The following CNBD1 variants were observed in gnomAD, a reference collection of about 807,000 sequenced individuals.
CNBD1 encodes cyclic nucleotide-binding domain-containing protein 1.
In CNBD1, 71 loss-of-function variants were observed where a neutral mutation model predicts 54.4. The observed-to-expected ratio is 1.30, with a 90% CI of 1.08 to 1.59. CNBD1 has a LOEUF of 1.59. Ranked by LOEUF, CNBD1 falls within the 40% of genes most tolerant of loss-of-function variation. The pLI is 0.00. For missense variants in CNBD1, 659 were observed against 518.0 expected, an observed-to-expected ratio of 1.27 and a Z score of -2.64; for synonymous variants, 182 against 170.7, an observed-to-expected ratio of 1.07 and a Z score of -0.51.
intron 1 of CNBD1, among the ~76,000 whole-genome samples, chr8:86,881,239 C>A (rs1385538012): frequency 6.6e-6 from 1 of 152,136 alleles, no homozygotes; most frequent in East Asian, 1.9e-4. Flanking sequence ...GTAAAACTAT[C>A]CCTGTTTGCA....
intron 5 of CNBD1, among the ~76,000 whole-genome samples, chr8:87,211,179 G>T (rs1273648210): frequency 6.6e-6 from 1 of 152,026 alleles, no homozygotes; most frequent in Non-Finnish European, 1.5e-5. Context: ...TCTTTCTTTT[G>T]GTCAATTTAT....
chr8:87,323,320 A>C (rs1214105942), intron 8 of CNBD1, among the ~76,000 whole-genome samples: 7 of 127,460 alleles, frequency 5.5e-5, no homozygotes, highest in African/African-American at 9.0e-5. Context: ...ACTTTAAAGT[A>C]GTTTTTTCCA....
intron 10 of CNBD1, among the ~76,000 whole-genome samples, chr8:87,354,997 T>C (rs549086851): frequency 2.0e-5 from 3 of 152,266 alleles, no homozygotes; most frequent in East Asian, 3.9e-4. Flanking sequence ...CCAGTTAAAA[T>C]GGCGATCATT....
At chr8:87,279,444 A>G (rs757974500) in intron 6 of CNBD1, among the ~76,000 whole-genome samples, 18 of 151,396 alleles carry the variant, frequency 1.2e-4, no homozygotes, top group Non-Finnish European at 2.4e-4. Context: ...ACTTTCATTA[A>G]AAAAGATTGT....
At chr8:87,413,744 T>A (rs1807789210) in intron 2 of CNBD1, among the ~76,000 whole-genome samples, 1 of 109,824 alleles carries the variant, frequency 9.1e-6, no homozygotes, top group Non-Finnish European at 1.9e-5. Flanking sequence ...AAGAAGACAT[T>A]TATGCAGCCA....
chr8:86,948,280 A>G (rs1807517981), intron 4 of CNBD1, among the ~76,000 whole-genome samples: 1 of 152,140 alleles, frequency 6.6e-6, no homozygotes, highest in African/African-American at 2.4e-5. Context: ...TATACACAGC[A>G]GTGGGATTGC....
intron 4 of CNBD1, among the ~76,000 whole-genome samples, chr8:87,168,790 C>T (rs899438271): frequency 6.6e-6 from 1 of 152,014 alleles, no homozygotes; most frequent in African/African-American, 2.4e-5. Context: ...ATGAACAGTA[C>T]TCCACTGTGT....
rs192473319 is a variant in CNBD1, at chr8:87,354,352, G to C, written c.1303+566G>C. ...TTCAGGGGTACTTGGTGGATCCCAG[G>C]CAGGGACCTGGGCCTCATGAGGGTA... On this transcript the variant is annotated intron_variant, in intron 10 of 10. Transcript: ENST00000518476. Among the ~76,000 whole-genome samples, 512 of 152,092 alleles carry C rather than the reference G, an allele frequency of 3.4e-3. 2 individuals are homozygous for C. The highest frequency in any genetic ancestry group is 0.011 in the African/African-American group (438 of 41,502).
intron 4 of CNBD1, among the ~76,000 whole-genome samples, chr8:87,197,126 A>G (rs1347519002): frequency 6.6e-6 from 1 of 152,236 alleles, no homozygotes. Flanking sequence ...AGAAAGAGCT[A>G]CTGTTAGTAA....
At chr8:87,356,145 A>T (rs1810415854) in intron 10 of CNBD1, among the ~76,000 whole-genome samples, 1 of 152,172 alleles carries the variant, frequency 6.6e-6, no homozygotes, top group Admixed American at 6.6e-5. Flanking sequence ...TCTTTTCTTT[A>T]TAAATTACCC....
chr8:87,386,076 C>T (rs1052386614), downstream of CNBD1, among the ~76,000 whole-genome samples: 6 of 152,074 alleles, frequency 3.9e-5, no homozygotes, highest in African/African-American at 1.4e-4. Flanking sequence ...AGAAGGAAAA[C>T]TAACAGAAAG....
chr8:87,195,135 A>G (rs573900067), intron 4 of CNBD1, among the ~76,000 whole-genome samples: 2 of 151,078 alleles, frequency 1.3e-5, no homozygotes, highest in African/African-American at 4.9e-5. Flanking sequence ...CACCCACCTC[A>G]GCATCCCAAA....
chr8:87,356,860 C>A (rs949527388), intron 10 of CNBD1, among the ~76,000 whole-genome samples: 1 of 152,096 alleles, frequency 6.6e-6, no homozygotes, highest in African/African-American at 2.4e-5. Context: ...CAGCTCCTCC[C>A]ATCACAGGCC....
chr8:87,251,234 T>A (rs1807910363), intron 6 of CNBD1, among the ~76,000 whole-genome samples: 1 of 152,174 alleles, frequency 6.6e-6, no homozygotes, highest in Non-Finnish European at 1.5e-5. Context: ...GGGCCCTAGT[T>A]CTTCCTAACG....
chr8:87,058,583 A>G (rs1474412360), intron 4 of CNBD1, among the ~76,000 whole-genome samples: 2 of 152,128 alleles, frequency 1.3e-5, no homozygotes, highest in African/African-American at 4.8e-5. Flanking sequence ...CTTCTGCACA[A>G]CTGCAGGACC....
At chr8:87,274,938 A>G (rs1260031381) in intron 6 of CNBD1, among the ~76,000 whole-genome samples, 2 of 133,558 alleles carry the variant, frequency 1.5e-5, no homozygotes, top group Non-Finnish European at 3.2e-5. Context: ...TCCATCTTGA[A>G]TTGATTTTTG....
chr8:87,087,821 T>A (rs56276032), intron 4 of CNBD1, among the ~76,000 whole-genome samples: 8,226 of 152,252 alleles, frequency 0.054, 299 homozygotes, highest in African/African-American at 0.096. Context: ...ACCTGAGAGA[T>A]CACTGAGTTT....
At chr8:87,263,953 T>A (rs535442558) in intron 6 of CNBD1, among the ~76,000 whole-genome samples, 1 of 152,300 alleles carries the variant, frequency 6.6e-6, no homozygotes. Context: ...ATATATTACA[T>A]AAAATATCAC....
chr8:87,307,145 T>A (rs1319765210), intron 8 of CNBD1, among the ~76,000 whole-genome samples: 1 of 152,204 alleles, frequency 6.6e-6, no homozygotes, highest in Non-Finnish European at 1.5e-5. Flanking sequence ...GTCTTAGATT[T>A]CATAAAAACA....
Sources: allele counts gnomAD v4.1 joint callset (sites outside exome capture counted in the v4.1 genomes callset), GRCh38; gene constraint gnomAD v4.1.1; transcripts MANE v1.5; gene names NCBI Gene and HGNC (gene_info 2026-07-23, HGNC 2026-07-21).